Variants in RAD18 observed in about 807,000 individuals in gnomAD.
The protein encoded by RAD18 is E3 ubiquitin-protein ligase RAD18.
RAD18 carries 47 observed loss-of-function variants against 60.4 expected under a neutral mutation model. The observed-to-expected ratio is 0.78, with a 90% CI of 0.62 to 0.99. The LOEUF is 0.99. Ranked by LOEUF, RAD18 falls within the 50% of genes least tolerant of loss-of-function variation. RAD18 has a pLI of 0.00. For missense variants in RAD18, 640 were observed against 593.3 expected (o/e 1.08, Z -0.82); for synonymous variants, 225 against 195.5 (o/e 1.15, Z -1.26).
At chr3:8,899,073 C>G in intron 10 of RAD18, 26 bp from the exon 11 acceptor site, 1 of 1,534,206 alleles carries the variant, frequency 6.5e-7, no homozygotes, top group South Asian at 1.2e-5. Context: ...TTTAAGAGTA[C>G]CTTAAAATCT....
intron 2 of RAD18, among the ~76,000 whole-genome samples, chr3:8,950,123 T>G (rs1037938550): frequency 6.6e-6 from 1 of 152,092 alleles, no homozygotes; most frequent in Non-Finnish European, 1.5e-5. Flanking sequence ...CTCCGCCTCC[T>G]GGGTTCAAGT....
At chr3:8,913,079 C>T (rs944385467) in intron 8 of RAD18, among the ~76,000 whole-genome samples, 6 of 152,074 alleles carry the variant, frequency 3.9e-5, no homozygotes, top group African/African-American at 1.4e-4. Context: ...ACACTTTCTC[C>T]AGTGTCACAG....
At chr3:8,962,941 T>A (rs1032049366) in intron 1 of RAD18, among the ~76,000 whole-genome samples, 20 of 152,308 alleles carry the variant, frequency 1.3e-4, no homozygotes, top group African/African-American at 2.9e-4. Context: ...CGTGATTACA[T>A]ACATGTTATC....
At chr3:8,948,607 C>G (rs773981779) in intron 2 of RAD18, 37 bp from the exon 3 acceptor site, 12 of 1,519,490 alleles carry the variant, frequency 7.9e-6, no homozygotes, top group Non-Finnish European at 1.1e-5. Context: ...GTTAATTAAG[C>G]TATATTAATA....
chr3:8,896,591 A>C (rs891980063), intron 11 of RAD18, among the ~76,000 whole-genome samples: 4 of 152,174 alleles, frequency 2.6e-5, no homozygotes, highest in Admixed American at 2.6e-4. Flanking sequence ...CCTTTCTACC[A>C]CAGAAGCACC....
intron 7 of RAD18, among the ~76,000 whole-genome samples, chr3:8,928,459 A>G (rs1940488188): frequency 6.6e-6 from 1 of 152,192 alleles, no homozygotes; most frequent in Non-Finnish European, 1.5e-5. Flanking sequence ...ATAATGGTAT[A>G]ATAGGTTTAA....
chr3:8,893,942 G>A (rs781142230), intron 11 of RAD18, among the ~76,000 whole-genome samples: 8 of 152,048 alleles, frequency 5.3e-5, no homozygotes, highest in Non-Finnish European at 1.2e-4. Flanking sequence ...CTCCCGCCTT[G>A]CTTGGCTTCT....
intron 11 of RAD18, among the ~76,000 whole-genome samples, chr3:8,897,265 A>T (rs140792061): frequency 6.6e-6 from 1 of 152,364 alleles, no homozygotes; most frequent in African/African-American, 2.4e-5. Context: ...CACAAATAAA[A>T]ATCAAATAAT....
chr3:8,958,479 G>A (rs909795434), intron 2 of RAD18, among the ~76,000 whole-genome samples: 7 of 152,174 alleles, frequency 4.6e-5, no homozygotes, highest in Admixed American at 1.3e-4. Flanking sequence ...GTATAAAACT[G>A]TCTGTAATAA....
chr3:8,961,933 C>T (rs1222190597), intron 1 of RAD18, among the ~76,000 whole-genome samples: 1 of 152,144 alleles, frequency 6.6e-6, no homozygotes, highest in Non-Finnish European at 1.5e-5. Flanking sequence ...TTTCCTTATC[C>T]AAGTCAAGCT....
chr3:8,898,099 A>G (rs1324808873), intron 11 of RAD18, among the ~76,000 whole-genome samples: 1 of 152,140 alleles, frequency 6.6e-6, no homozygotes, highest in East Asian at 1.9e-4. Flanking sequence ...AGTATTCAAT[A>G]GAAACAAAGG....
intron 2 of RAD18, among the ~76,000 whole-genome samples, chr3:8,948,972 A>T (rs1940884419): frequency 6.6e-6 from 1 of 152,236 alleles, no homozygotes; most frequent in Non-Finnish European, 1.5e-5. Flanking sequence ...AGGTTATCAC[A>T]TTAGGGACTT....
intron 9 of RAD18, among the ~76,000 whole-genome samples, chr3:8,904,498 T>A (rs1378568632): frequency 6.6e-6 from 1 of 152,180 alleles, no homozygotes; most frequent in Non-Finnish European, 1.5e-5. Flanking sequence ...ATGTATGGCA[T>A]ATTTTAAATA....
At chr3:8,962,164 T>C (rs1263670936) in intron 1 of RAD18, among the ~76,000 whole-genome samples, 1 of 152,228 alleles carries the variant, frequency 6.6e-6, no homozygotes, top group Non-Finnish European at 1.5e-5. Flanking sequence ...TCCTATGAAC[T>C]GTTATTTTTG....
chr3:8,962,790 A>G (rs1326240163), intron 1 of RAD18, among the ~76,000 whole-genome samples: 1 of 152,234 alleles, frequency 6.6e-6, no homozygotes, highest in Non-Finnish European at 1.5e-5. Flanking sequence ...TCTGTTTAAG[A>G]GACATGAGCA....
intron 9 of RAD18, among the ~76,000 whole-genome samples, chr3:8,906,570 T>C (rs769668368): frequency 2.4e-4 from 37 of 152,188 alleles, no homozygotes; most frequent in Admixed American, 5.2e-4. Context: ...AAATGTAATG[T>C]TGTCTGTTCA....
At chr3:8,961,579 TG>T (rs1941095629) in intron 1 of RAD18, among the ~76,000 whole-genome samples, 1 of 152,262 alleles carries the variant, frequency 6.6e-6, no homozygotes, top group Admixed American at 6.5e-5. Flanking sequence ...GATCTGCTTC[TG>T]GGATCTGATA....
Position 8,877,115 on chromosome 3 carries a change from T to C in RAD18, c.*4242A>G, listed in dbSNP as rs250400. 0.81 allele frequency: 122,972 copies of C among 152,198 alleles called. 49,876 individuals are homozygous for C. Among genetic ancestry groups the C allele is most frequent in the South Asian group, 0.9 (4,349 of 4,824 alleles). The allele number at this position is 152,198 out of a possible 1,614,324, so 9.4% of individuals were successfully genotyped here. On this transcript the variant is annotated 3_prime_UTR_variant, in exon 13 of 13. Transcript: ENST00000264926. ...TATTCTAATATTTTGTATTTTGGAA[T>C]CAAAGGAGTCAGAAGATGCATGCAT...
intron 11 of RAD18, among the ~76,000 whole-genome samples, chr3:8,890,856 C>G (rs1334707831): frequency 6.6e-5 from 10 of 152,096 alleles, no homozygotes; most frequent in Admixed American, 6.6e-4. Context: ...TTTAACCCAA[C>G]CTTTTCATTC....
Sources: allele counts gnomAD v4.1 joint callset (sites outside exome capture counted in the v4.1 genomes callset), GRCh38; gene constraint gnomAD v4.1.1; transcripts MANE v1.5; gene names NCBI Gene and HGNC (gene_info 2026-07-23, HGNC 2026-07-21).